Variants in CWC27 observed in about 807,000 individuals in gnomAD.
CWC27 encodes the protein CWC27 spliceosome associated cyclophilin.
CWC27 carries 47 observed loss-of-function variants against 63.6 expected under a neutral mutation model. That is an observed-to-expected ratio of 0.74 (90% CI 0.58 to 0.94). The LOEUF is 0.94. Ranked by LOEUF, CWC27 falls within the 40% of genes least tolerant of loss-of-function variation. The pLI is 0.00. For synonymous variants in CWC27, 175 were observed against 179.8 expected (o/e 0.97, Z 0.22); for missense variants, 495 against 554.3 (o/e 0.89, Z 1.07).
At chr5:64,891,921 AG>A (rs1747249017) in intron 11 of CWC27, among the ~76,000 whole-genome samples, 1 of 152,018 alleles carries the variant, frequency 6.6e-6, no homozygotes, top group South Asian at 2.1e-4. Flanking sequence ...CAGCCTCCTG[AG>A]TAGCTGGAAT....
Position 64,794,608 on chromosome 5 carries a change from T to C in CWC27, c.669+5588T>C, listed in dbSNP as rs188731175. On this transcript the variant is annotated intron_variant, in intron 7 of 13. Coordinates refer to ENST00000381070, the MANE Select transcript of CWC27 (RefSeq NM_005869.4). ...AGGGAAATGGTGGGGAAGACGGGAA[T>C]GATGCCAAAAACCACCTAACATAGG... Among the ~76,000 whole-genome samples the C allele has an allele frequency of 5.9e-5, 9 of 152,056 alleles. No homozygotes were observed. In the East Asian group the frequency reaches 1.7e-3, roughly 29 times the overall value.
At chr5:64,942,877 A>G (rs1380801595) in intron 11 of CWC27, among the ~76,000 whole-genome samples, 1 of 152,218 alleles carries the variant, frequency 6.6e-6, no homozygotes, top group Non-Finnish European at 1.5e-5. Flanking sequence ...TGTATAATAA[A>G]ATTGTAAATA....
chr5:65,006,266 C>A (rs1749839038), intron 13 of CWC27, among the ~76,000 whole-genome samples: 2 of 152,252 alleles, frequency 1.3e-5, no homozygotes, highest in South Asian at 2.1e-4. Flanking sequence ...AATTCTGAGA[C>A]CTTTAGTTGC....
chr5:64,827,311 G>C (rs909302131), intron 10 of CWC27, among the ~76,000 whole-genome samples: 1 of 152,082 alleles, frequency 6.6e-6, no homozygotes, highest in Non-Finnish European at 1.5e-5. Context: ...ATCTTACCTA[G>C]CCTCAGAACT....
At chr5:64,829,893 G>A (rs1348492644) in intron 10 of CWC27, among the ~76,000 whole-genome samples, 1 of 147,748 alleles carries the variant, frequency 6.8e-6, no homozygotes, top group East Asian at 2.0e-4. Flanking sequence ...AACATGCTGT[G>A]TTTGGTTTTC....
At chr5:64,796,302 A>G (rs1185008357) in intron 7 of CWC27, among the ~76,000 whole-genome samples, 1 of 152,250 alleles carries the variant, frequency 6.6e-6, no homozygotes, top group East Asian at 1.9e-4. Flanking sequence ...TTATCTCTTT[A>G]TTTATAGGAA....
intron 8 of CWC27, 23 bp downstream of exon 8, chr5:64,800,350 C>G (rs745806261): frequency 9.2e-6 from 14 of 1,515,822 alleles, no homozygotes; most frequent in Non-Finnish European, 1.3e-5. Flanking sequence ...TTGGTATGAT[C>G]CTAAGTTCTT....
At chr5:64,937,784 G>T (rs938760158) in intron 11 of CWC27, among the ~76,000 whole-genome samples, 1 of 151,968 alleles carries the variant, frequency 6.6e-6, no homozygotes, top group African/African-American at 2.4e-5. Flanking sequence ...CTCCTGTATT[G>T]GTTGCATGTA....
chr5:64,846,274 G>A (rs1485364135), intron 10 of CWC27, among the ~76,000 whole-genome samples: 2 of 152,148 alleles, frequency 1.3e-5, no homozygotes, highest in Non-Finnish European at 2.9e-5. Flanking sequence ...TGGTGCATAA[G>A]GCAATTTCAT....
At chr5:65,006,015 T>C (rs1749835222) in intron 13 of CWC27, among the ~76,000 whole-genome samples, 1 of 152,216 alleles carries the variant, frequency 6.6e-6, no homozygotes, top group South Asian at 2.1e-4. Context: ...CATCATTCTT[T>C]ATATAGCTTG....
rs1272367458 is a variant in CWC27, at chr5:64,769,062, G to A, written c.-85G>A. On this transcript the variant is annotated 5_prime_UTR_variant, in exon 1 of 14. Coordinates refer to ENST00000381070, the MANE Select transcript of CWC27 (RefSeq NM_005869.4). ...TTCCTGCACCACTGGACTTAAGGAAGAGTGTACTCGTAGGCGGACAGCTTT... is the reference window on the plus strand; with the variant it reads ...TTCCTGCACCACTGGACTTAAGGAAAAGTGTACTCGTAGGCGGACAGCTTT... The A allele has an allele frequency of 3.7e-6, 4 of 1,094,300 alleles. No homozygotes were observed. The highest frequency in any genetic ancestry group is 5.6e-6 in the Non-Finnish European group (4 of 711,794). The allele number at this position is 1,094,300 out of a possible 1,614,324, so 67.8% of individuals were successfully genotyped here.
intron 10 of CWC27, among the ~76,000 whole-genome samples, chr5:64,806,100 A>C (rs1332687888): frequency 6.6e-6 from 1 of 152,172 alleles, no homozygotes; most frequent in Non-Finnish European, 1.5e-5. Flanking sequence ...GACTTAACAG[A>C]CATTTAAAGC....
At position 65,012,430 on chromosome 5, in the gene CWC27, G is replaced by A. The variant is rs141381058; in HGVS notation, c.1257-5729G>A. Among the ~76,000 whole-genome samples the A allele has an allele frequency of 4.3e-3, 653 of 152,312 alleles. 6 individuals are homozygous for A. The highest frequency in any genetic ancestry group is 9.3e-3 in the South Asian group (45 of 4,828). Reference sequence around the variant, plus strand: ...GCTTTTTGTAGAGTGCTGCATCAGCGAGTGCTATTTTTGTTGTCTCACAGT... The same window carrying A: ...GCTTTTTGTAGAGTGCTGCATCAGCAAGTGCTATTTTTGTTGTCTCACAGT... On this transcript the variant is annotated intron_variant, in intron 13 of 13. Coordinates refer to ENST00000381070, the MANE Select transcript of CWC27 (RefSeq NM_005869.4).
intron 11 of CWC27, among the ~76,000 whole-genome samples, chr5:64,890,804 G>C (rs760442409): frequency 2.6e-5 from 4 of 151,980 alleles, no homozygotes; most frequent in Non-Finnish European, 4.4e-5. Context: ...ACTCTAAAAG[G>C]GTGAATTTTA....
chr5:64,875,862 CAAT>C (rs1051638744), intron 10 of CWC27, among the ~76,000 whole-genome samples: 1 of 151,938 alleles, frequency 6.6e-6, no homozygotes, highest in African/African-American at 2.4e-5. Context: ...GAGGTGAAAG[CAAT>C]AATAATAAGA....
At chr5:64,834,223 T>C (rs1304576313) in intron 10 of CWC27, among the ~76,000 whole-genome samples, 1 of 151,508 alleles carries the variant, frequency 6.6e-6, no homozygotes, top group Non-Finnish European at 1.5e-5. Context: ...AGGTAACAAG[T>C]ACAACTTTTT....
intron 10 of CWC27, among the ~76,000 whole-genome samples, chr5:64,836,693 A>G (rs1257614032): frequency 6.6e-6 from 1 of 152,046 alleles, no homozygotes. Context: ...GACTGGAAGG[A>G]GACAATAAAT....
chr5:64,789,141 G>C, intron 7 of CWC27, 121 bp downstream of exon 7: 1 of 515,566 alleles, frequency 1.9e-6, no homozygotes, highest in Admixed American at 3.6e-5. Flanking sequence ...GGCTCAGTAA[G>C]TGTTCATTGA....
chr5:64,793,054 G>T (rs1484627303), intron 7 of CWC27, among the ~76,000 whole-genome samples: 1 of 152,056 alleles, frequency 6.6e-6, no homozygotes, highest in Non-Finnish European at 1.5e-5. Context: ...TCTTTAATAT[G>T]ATCATAACCA....
Sources: gnomAD v4.1 joint callset for allele counts (sites outside exome capture counted in the v4.1 genomes callset) on GRCh38, gnomAD v4.1.1 for gene constraint, MANE v1.5 for transcripts, NCBI Gene and HGNC (gene_info 2026-07-23, HGNC 2026-07-21) for gene names.